PTPRQ: variants seen among roughly 807,000 people sequenced by gnomAD.
The protein encoded by PTPRQ is protein tyrosine phosphatase receptor type Q.
PTPRQ carries 199 observed loss-of-function variants against 246.0 expected under a neutral mutation model. That is an observed-to-expected ratio of 0.81 (90% CI 0.72 to 0.91). The LOEUF (loss-of-function observed/expected upper bound fraction) is 0.91. PTPRQ is among the 40% of genes least tolerant of loss of function. PTPRQ has a pLI of 0.00. For missense variants in PTPRQ, 2,624 were observed against 2,528.4 expected (o/e 1.04, Z -0.81); for synonymous variants, 869 against 853.2 (o/e 1.02, Z -0.32).
chr12:80,660,733 A>T (rs1442125712), intron 39 of PTPRQ, among the ~76,000 whole-genome samples: 2 of 152,076 alleles, frequency 1.3e-5, no homozygotes, highest in Non-Finnish European at 2.9e-5. Context: ...ATTTGTTCCT[A>T]TGTTGACAGA....
chr12:80,615,927 G>A (rs954436499), intron 29 of PTPRQ, among the ~76,000 whole-genome samples: 2 of 150,782 alleles, frequency 1.3e-5, no homozygotes, highest in Non-Finnish European at 1.5e-5. Context: ...TGTTCTCAGC[G>A]TTTAGTACCA....
rs776406116 is a variant in PTPRQ, at chr12:80,444,236, C to G, written c.-110C>G. The G allele has an allele frequency of 1.6e-5, 10 of 610,850 alleles. No homozygotes were observed. The highest frequency in any genetic ancestry group is 2.9e-5 in the Non-Finnish European group (10 of 340,642). 37.8% of individuals were successfully genotyped at this position (610,850 alleles called of 1,614,324 possible). A position where few individuals can be genotyped will look rare whatever the true frequency, so the allele number is the denominator to read the frequency against. Reference sequence around the variant, plus strand: ...AGGCAGAGCTATTGAGTAATATGGGCTCATTAATTGTGTACTTGCCAGAAG... The same window carrying G: ...AGGCAGAGCTATTGAGTAATATGGGGTCATTAATTGTGTACTTGCCAGAAG... On this transcript the variant is annotated 5_prime_UTR_variant, in exon 1 of 45. Coordinates refer to ENST00000644991, the MANE Select transcript of PTPRQ (RefSeq NM_001145026.2).
At chr12:80,550,707 A>G (rs1485771155) in intron 25 of PTPRQ, among the ~76,000 whole-genome samples, 1 of 152,132 alleles carries the variant, frequency 6.6e-6, no homozygotes, top group Non-Finnish European at 1.5e-5. Flanking sequence ...ATTTCTAGGA[A>G]AAAATAGAAA....
chr12:80,468,928 T>G (rs1161155611), intron 7 of PTPRQ, 90 bp downstream of exon 7: 13 of 1,467,848 alleles, frequency 8.9e-6, no homozygotes, highest in African/African-American at 2.9e-5. Flanking sequence ...AGTATCAGAC[T>G]CTTTTTAAAA....
chr12:80,534,995 T>C lies in PTPRQ; in HGVS notation c.2943T>C (p.Tyr981=). ...CAAAACCTAATGGGATTATACAATA[T>C]TACTCTGTTTATTACAGAAATACTT... The part of the protein sequence containing the change: ...PPSKPNGIIQ[Y]YSVYYRNTSG... Residue 981 remains tyrosine (Y), a synonymous_variant, in exon 19 of 45, where the codon TAT becomes TAC. Coordinates refer to ENST00000644991, the MANE Select transcript of PTPRQ (RefSeq NM_001145026.2). 6.5e-7 allele frequency: 1 copy of C among 1,543,484 alleles called. No individual in the cohort carries two copies. Among genetic ancestry groups the C allele is most frequent in the Non-Finnish European group, 8.7e-7 (1 of 1,144,510 alleles).
At position 80,482,313 on chromosome 12, in the gene PTPRQ, G is replaced by A. The variant is rs1894096043; in HGVS notation, c.1187-2120G>A. On this transcript the variant is annotated intron_variant, in intron 8 of 44. Transcript: ENST00000644991. ...TTAATAAATGGTGCTGGGAAAACTG[G>A]CTAGCCATATGTAGAAAGCTGAAAC... 4.6e-5 allele frequency among the ~76,000 whole-genome samples: 7 copies of A among 151,818 alleles called. No homozygotes were observed. In the South Asian group the frequency reaches 1.5e-3, roughly 32 times the overall value.
At chr12:80,502,496 A>G (rs779259280) in intron 14 of PTPRQ, among the ~76,000 whole-genome samples, 1 of 152,006 alleles carries the variant, frequency 6.6e-6, no homozygotes, top group Non-Finnish European at 1.5e-5. Context: ...ATTTTCAGCT[A>G]TTACACTGGG....
intron 4 of PTPRQ, among the ~76,000 whole-genome samples, chr12:80,458,734 T>G (rs1441393969): frequency 1.3e-5 from 2 of 151,602 alleles, no homozygotes; most frequent in African/African-American, 4.9e-5. Context: ...GAACTCAGAT[T>G]ATTATTATTA....
chr12:80,676,177 GCA>G (rs1901130426), intron 43 of PTPRQ, among the ~76,000 whole-genome samples: 1 of 152,082 alleles, frequency 6.6e-6, no homozygotes, highest in Non-Finnish European at 1.5e-5. Context: ...TTGCACAACA[GCA>G]GTTTCTTATT....
chr12:80,541,994 TCTG>T (rs1207113961), intron 21 of PTPRQ, 92 bp from the exon 22 acceptor site: 11 of 1,482,372 alleles, frequency 7.4e-6, no homozygotes, highest in Non-Finnish European at 8.1e-6. Context: ...CTTAAAATAA[TCTG>T]CTAAGAAAAT....
intron 39 of PTPRQ, among the ~76,000 whole-genome samples, chr12:80,665,055 T>A (rs1046498238): frequency 6.6e-6 from 1 of 151,984 alleles, no homozygotes; most frequent in African/African-American, 2.4e-5. Context: ...ATAGGCCATC[T>A]GCAAGCTGAG....
At chr12:80,622,885 A>C (rs1899048439) in intron 33 of PTPRQ, among the ~76,000 whole-genome samples, 2 of 151,928 alleles carry the variant, frequency 1.3e-5, no homozygotes, top group Admixed American at 1.3e-4. Context: ...TAAATTTTTA[A>C]AGTTTAATAG....
intron 33 of PTPRQ, 134 bp from the exon 34 acceptor site, chr12:80,632,058 C>G: frequency 8.2e-7 from 1 of 1,225,180 alleles, no homozygotes; most frequent in Non-Finnish European, 1.1e-6. Context: ...GAGGAACAAA[C>G]AAGCTGCTAC....
intron 17 of PTPRQ, among the ~76,000 whole-genome samples, chr12:80,517,344 C>T (rs1895336162): frequency 6.6e-6 from 1 of 151,706 alleles, no homozygotes; most frequent in East Asian, 1.9e-4. Context: ...CCCATCACAC[C>T]CTCTTATTTC....
intron 39 of PTPRQ, among the ~76,000 whole-genome samples, chr12:80,658,513 A>G (rs1431466013): frequency 1.3e-5 from 2 of 151,902 alleles, no homozygotes; most frequent in African/African-American, 4.8e-5. Flanking sequence ...TTGAAACCTT[A>G]TATGCACTCA....
intron 6 of PTPRQ, among the ~76,000 whole-genome samples, chr12:80,467,320 C>T (rs1174137712): frequency 6.6e-6 from 1 of 152,026 alleles, no homozygotes; most frequent in Non-Finnish European, 1.5e-5. Flanking sequence ...CCATCTCACA[C>T]CAGTTAGAAT....
chr12:80,480,686 G>A (rs1228503902), intron 8 of PTPRQ, among the ~76,000 whole-genome samples: 1 of 152,056 alleles, frequency 6.6e-6, no homozygotes, highest in Non-Finnish European at 1.5e-5. Flanking sequence ...AAATGATAAA[G>A]GGGATATCAC....
chr12:80,639,671 G>T (rs1193369247), intron 35 of PTPRQ, among the ~76,000 whole-genome samples: 2 of 152,066 alleles, frequency 1.3e-5, no homozygotes, highest in African/African-American at 4.8e-5. Flanking sequence ...GAAGATTACT[G>T]CTTAAAAAAA....
chr12:80,481,459 T>A (rs939614721), intron 8 of PTPRQ, among the ~76,000 whole-genome samples: 10 of 152,134 alleles, frequency 6.6e-5, no homozygotes, highest in Admixed American at 6.5e-4. Flanking sequence ...CTTTGAAAAC[T>A]GGCACAAGAC....
Sources: gnomAD v4.1 joint callset for allele counts (sites outside exome capture counted in the v4.1 genomes callset) on GRCh38, gnomAD v4.1.1 for gene constraint, MANE v1.5 for transcripts, NCBI Gene and HGNC (gene_info 2026-07-23, HGNC 2026-07-21) for gene names.